Variants in ARHGAP26 observed in about 807,000 individuals in gnomAD.
ARHGAP26 encodes the protein rho GTPase-activating protein 26.
ARHGAP26 carries 38 observed loss-of-function variants against 104.8 expected under a neutral mutation model. The ratio of observed to expected loss-of-function variants is 0.36; its 90% CI spans 0.28 to 0.48. The LOEUF is 0.48. ARHGAP26 is among the 20% of genes least tolerant of loss of function. The probability of loss-of-function intolerance (pLI) is 0.99; values close to 1 mark genes in which losing one functional copy is unlikely to be tolerated. For missense variants in ARHGAP26, 704 were observed against 947.9 expected, an observed-to-expected ratio of 0.74 and a Z score of 3.38; for synonymous variants, 341 against 340.0, an observed-to-expected ratio of 1.00 and a Z score of -0.03.
chr5:142,853,127 G>A (rs1027347643), intron 1 of ARHGAP26, among the ~76,000 whole-genome samples: 2 of 152,126 alleles, frequency 1.3e-5, no homozygotes, highest in African/African-American at 4.8e-5. Context: ...CTCTGAAGTG[G>A]GTTTCTGGGG....
chr5:143,151,120 A>G (rs1459519354), intron 20 of ARHGAP26, among the ~76,000 whole-genome samples: 2 of 152,236 alleles, frequency 1.3e-5, no homozygotes, highest in African/African-American at 4.8e-5. Flanking sequence ...ATATGAACAG[A>G]TACCTCATCA....
chr5:143,066,669 C>A (rs1562361165), intron 17 of ARHGAP26, among the ~76,000 whole-genome samples: 1 of 152,192 alleles, frequency 6.6e-6, no homozygotes, highest in Non-Finnish European at 1.5e-5. Flanking sequence ...TATTGGCAAG[C>A]AAAACCCTGA....
chr5:142,911,851 A>G (rs1207807057), intron 9 of ARHGAP26, among the ~76,000 whole-genome samples: 1 of 152,246 alleles, frequency 6.6e-6, no homozygotes, highest in Non-Finnish European at 1.5e-5. Context: ...TACAGACTAG[A>G]GAAAGAGCAG....
intron 19 of ARHGAP26, among the ~76,000 whole-genome samples, chr5:143,138,520 T>G (rs557460149): frequency 3.9e-5 from 6 of 152,306 alleles, no homozygotes; most frequent in African/African-American, 1.4e-4. Context: ...GGAAGAGTTT[T>G]GAGAAAGATA....
At chr5:142,842,318 A>T (rs192481903) in intron 1 of ARHGAP26, among the ~76,000 whole-genome samples, 16 of 152,300 alleles carry the variant, frequency 1.1e-4, no homozygotes, top group African/African-American at 3.9e-4. Context: ...TCTTGAAAAG[A>T]GAGGAGTGTG....
chr5:142,958,200 G>A (rs1408287397), intron 11 of ARHGAP26, among the ~76,000 whole-genome samples: 1 of 151,960 alleles, frequency 6.6e-6, no homozygotes, highest in African/African-American at 2.4e-5. Context: ...CACCCAGATT[G>A]TGTTTTAAAC....
intron 17 of ARHGAP26, among the ~76,000 whole-genome samples, chr5:143,100,016 C>A (rs1191697965): frequency 6.6e-6 from 1 of 152,142 alleles, no homozygotes; most frequent in African/African-American, 2.4e-5. Flanking sequence ...AAAATAACTT[C>A]AGACAATTTG....
At chr5:143,067,277 G>C (rs1352821664) in intron 17 of ARHGAP26, among the ~76,000 whole-genome samples, 1 of 152,070 alleles carries the variant, frequency 6.6e-6, no homozygotes, top group Non-Finnish European at 1.5e-5. Context: ...TGCCCTCTCA[G>C]ATGTCATTCC....
chr5:142,974,269 T>G (rs1321762357), intron 11 of ARHGAP26, among the ~76,000 whole-genome samples: 1 of 152,010 alleles, frequency 6.6e-6, no homozygotes, highest in Admixed American at 6.6e-5. Flanking sequence ...GTGAAACTTT[T>G]CTCGACCTAC....
intron 17 of ARHGAP26, among the ~76,000 whole-genome samples, chr5:143,101,350 G>T (rs1278086450): frequency 1.3e-5 from 2 of 152,158 alleles, no homozygotes; most frequent in African/African-American, 4.8e-5. Context: ...GGGACCAACA[G>T]GTCTCTTGAT....
At chr5:143,195,107 C>A (rs1334235359) in intron 20 of ARHGAP26, among the ~76,000 whole-genome samples, 2 of 152,194 alleles carry the variant, frequency 1.3e-5, no homozygotes, top group Non-Finnish European at 2.9e-5. Flanking sequence ...GACTTGGAGA[C>A]TTTTAGCCTT....
In ARHGAP26 at chr5:143,054,666, G is replaced by A. The variant is rs997960278; in HGVS notation, c.1373+140G>A. The A allele has an allele frequency of 1.5e-5, 9 of 591,706 alleles. No individual in the cohort carries two copies. In the African/African-American group the frequency reaches 1.7e-4, roughly 11 times the overall value. 36.7% of individuals were successfully genotyped at this position (591,706 alleles called of 1,614,324 possible). A position where few individuals can be genotyped will look rare whatever the true frequency, so the allele number is the denominator to read the frequency against. The stretch of plus-strand genomic sequence containing the variant: ...AACAGCTTCTGTGTGGGTGCGTTTA[G>A]CTCAGCTGGTCAAACCAATCGTAAA... On this transcript the variant is annotated intron_variant, in intron 15 of 22. Coordinates refer to ENST00000645722, the MANE Select transcript of ARHGAP26 (RefSeq NM_001135608.3).
At chr5:142,786,044 C>T (rs1217652782) in intron 1 of ARHGAP26, among the ~76,000 whole-genome samples, 1 of 151,702 alleles carries the variant, frequency 6.6e-6, no homozygotes, top group African/African-American at 2.4e-5. Context: ...AGTCATAGCT[C>T]ACTGTACCCT....
chr5:142,847,106 C>T (rs1772127409), intron 1 of ARHGAP26, among the ~76,000 whole-genome samples: 1 of 152,166 alleles, frequency 6.6e-6, no homozygotes, highest in Non-Finnish European at 1.5e-5. Flanking sequence ...GTGCCTCTCT[C>T]ACCTTCTGTT....
intron 20 of ARHGAP26, among the ~76,000 whole-genome samples, chr5:143,204,391 G>T (rs929402762): frequency 6.6e-6 from 1 of 152,126 alleles, no homozygotes; most frequent in African/African-American, 2.4e-5. Context: ...AGGCATGGTG[G>T]GGGGGATCTA....
Position 143,056,093 on chromosome 5 carries a change from CTT to C in ARHGAP26, c.1432+12_1432+13del. Reference sequence around the variant, plus strand: ...AGTTTCATCAAAGCAGCAAGTAAGTCTTTTTTGTCTCAGTTTTAAGGGGAAGA... The same window carrying C: ...AGTTTCATCAAAGCAGCAAGTAAGTCTTTTGTCTCAGTTTTAAGGGGAAGA... On this transcript the variant is annotated splice_region_variant and intron_variant, in intron 16 of 22. Coordinates refer to ENST00000645722, the MANE Select transcript of ARHGAP26 (RefSeq NM_001135608.3). The C allele has an allele frequency of 6.2e-7, 1 of 1,610,932 alleles. No homozygotes were observed. Among genetic ancestry groups the C allele is most frequent in the South Asian group, 1.1e-5 (1 of 90,950 alleles).
chr5:143,032,343 A>T (rs1781996306), intron 12 of ARHGAP26, among the ~76,000 whole-genome samples: 1 of 152,232 alleles, frequency 6.6e-6, no homozygotes, highest in East Asian at 1.9e-4. Context: ...TGGCCCTGGG[A>T]GACACAGGTC....
At chr5:142,870,166 C>T (rs767173247) in intron 1 of ARHGAP26, among the ~76,000 whole-genome samples, 8 of 152,214 alleles carry the variant, frequency 5.3e-5, no homozygotes, top group African/African-American at 1.2e-4. Flanking sequence ...GGTGCCACGA[C>T]GCTTGGCATG....
At chr5:142,772,304 C>G (rs1338538198) in intron 1 of ARHGAP26, among the ~76,000 whole-genome samples, 1 of 152,238 alleles carries the variant, frequency 6.6e-6, no homozygotes, top group African/African-American at 2.4e-5. Context: ...TAGGCTGTGC[C>G]TTACCTGAAA....
Sources: gnomAD v4.1 joint callset for allele counts (sites outside exome capture counted in the v4.1 genomes callset) on GRCh38, gnomAD v4.1.1 for gene constraint, MANE v1.5 for transcripts, NCBI Gene and HGNC (gene_info 2026-07-23, HGNC 2026-07-21) for gene names.